NPAS3: variants seen among roughly 807,000 people sequenced by gnomAD.
NPAS3 encodes the protein neuronal PAS domain-containing protein 3.
Under a neutral mutation model 73.1 loss-of-function variants are expected in NPAS3, and 14 were observed. The ratio of observed to expected loss-of-function variants is 0.19; its 90% confidence interval spans 0.13 to 0.30. The LOEUF is 0.30. NPAS3 is among the 10% of genes least tolerant of loss of function. The pLI is 1.00. For synonymous variants in NPAS3, 620 were observed against 541.5 expected, an observed-to-expected ratio of 1.14 and a Z score of -2.01; for missense variants, 1,096 against 1,250.0, an observed-to-expected ratio of 0.88 and a Z score of 1.86.
intron 4 of NPAS3, among the ~76,000 whole-genome samples, chr14:33,440,533 AC>A (rs1274698966): frequency 2.0e-5 from 3 of 152,194 alleles, no homozygotes; most frequent in Non-Finnish European, 2.9e-5. Context: ...TATAATTCCA[AC>A]TTTTTATCAT....
chr14:33,123,857 CTTTCTTTTTT>C (rs1278290486), intron 2 of NPAS3, among the ~76,000 whole-genome samples: 172 of 101,054 alleles, frequency 1.7e-3, no homozygotes, highest in African/African-American at 3.5e-3. Flanking sequence ...TTCTTTCTTT[CTTTCTTTTTT>C]TTTTTTTTTT....
chr14:33,258,154 T>G (rs1165497603), intron 3 of NPAS3, among the ~76,000 whole-genome samples: 2 of 152,194 alleles, frequency 1.3e-5, no homozygotes, highest in Non-Finnish European at 2.9e-5. Flanking sequence ...CCCAGCACTT[T>G]GGCAGGCCGA....
chr14:33,449,941 T>C lies in NPAS3; in HGVS notation c.468+82673T>C, dbSNP rs368982587. On this transcript the variant is annotated intron_variant, in intron 4 of 11. Coordinates refer to ENST00000356141, the Ensembl canonical transcript of NPAS3. The stretch of plus-strand genomic sequence containing the variant: ...ACGTGTTATGATTGGAGCAATAGCA[T>C]TTAAGAGTCCAGAGGCAAGTCAGAA... Among the ~76,000 whole-genome samples the C allele has an allele frequency of 1.1e-4, 16 of 152,300 alleles. 1 individual carries two copies. The highest frequency in any genetic ancestry group is 3.9e-4 in the African/African-American group (16 of 41,556).
At chr14:33,393,517 C>T (rs1045731369) in intron 4 of NPAS3, among the ~76,000 whole-genome samples, 1 of 152,142 alleles carries the variant, frequency 6.6e-6, no homozygotes, top group African/African-American at 2.4e-5. Flanking sequence ...CCACCAGTTA[C>T]ATGTATTTTA....
chr14:33,386,306 C>G (rs10141391), intron 4 of NPAS3, among the ~76,000 whole-genome samples: 7,925 of 152,150 alleles, frequency 0.052, 295 homozygotes, highest in South Asian at 0.19. Flanking sequence ...ACTTTTTTAT[C>G]TCATCAAAAT....
chr14:33,543,974 T>C (rs1311994863), intron 4 of NPAS3, among the ~76,000 whole-genome samples: 3 of 34,368 alleles, frequency 8.7e-5, no homozygotes, highest in Non-Finnish European at 1.4e-4. Flanking sequence ...TATATATATA[T>C]ATATATATAT....
At chr14:33,702,543 A>T (rs2060550191) in intron 6 of NPAS3, among the ~76,000 whole-genome samples, 1 of 152,186 alleles carries the variant, frequency 6.6e-6, no homozygotes, top group African/African-American at 2.4e-5. Flanking sequence ...AAGTGGATTG[A>T]CTCTGAATCC....
intron 1 of NPAS3, among the ~76,000 whole-genome samples, chr14:33,004,579 C>G (rs960001231): frequency 6.6e-6 from 1 of 151,974 alleles, no homozygotes; most frequent in African/African-American, 2.4e-5. Flanking sequence ...GTACATTACT[C>G]CAGACTTTAT....
chr14:32,989,721 A>G (rs2038252535), intron 1 of NPAS3, among the ~76,000 whole-genome samples: 1 of 152,188 alleles, frequency 6.6e-6, no homozygotes, highest in South Asian at 2.1e-4. Context: ...TTTGACCATT[A>G]TTTTCTACTT....
intron 1 of NPAS3, among the ~76,000 whole-genome samples, chr14:32,987,508 T>G (rs2038146928): frequency 6.6e-6 from 1 of 152,176 alleles, no homozygotes; most frequent in South Asian, 2.1e-4. Context: ...TACACAAGTT[T>G]TCTTATTTTT....
At chr14:33,780,962 C>G (rs2062961443) in intron 9 of NPAS3, 1 of 198,484 alleles carries the variant, frequency 5.0e-6, no homozygotes, top group African/African-American at 2.4e-5. Flanking sequence ...TCTTTTAACT[C>G]ATACACATGA....
intron 4 of NPAS3, among the ~76,000 whole-genome samples, chr14:33,438,429 A>G (rs967441): frequency 0.2 from 30,567 of 152,124 alleles, 3,573 homozygotes; most frequent in East Asian, 0.49. Context: ...CACAGGGGGA[A>G]AAAAAGACAT....
At chr14:32,946,203 T>G (rs1269334964) in intron 1 of NPAS3, among the ~76,000 whole-genome samples, 3 of 152,192 alleles carry the variant, frequency 2.0e-5, no homozygotes, top group African/African-American at 7.2e-5. Context: ...TTATATAGCA[T>G]CGTGTGCTAA....
chr14:33,177,352 T>C (rs942768214), intron 2 of NPAS3, among the ~76,000 whole-genome samples: 19 of 152,126 alleles, frequency 1.2e-4, no homozygotes, highest in Admixed American at 3.9e-4. Flanking sequence ...TGCCTCGGCC[T>C]CCCAAAGAGC....
intron 3 of NPAS3, among the ~76,000 whole-genome samples, chr14:33,294,813 G>A (rs1225645559): frequency 6.6e-6 from 1 of 152,204 alleles, no homozygotes; most frequent in East Asian, 1.9e-4. Flanking sequence ...AAACTGGAAA[G>A]TGAGGGAGAG....
intron 4 of NPAS3, among the ~76,000 whole-genome samples, chr14:33,467,987 C>T (rs1038379181): frequency 5.3e-5 from 8 of 152,144 alleles, no homozygotes; most frequent in African/African-American, 1.9e-4. Context: ...GAGCAAAACC[C>T]TTAAACTAGA....
chr14:33,699,603 AC>A (rs1240478252), intron 6 of NPAS3, among the ~76,000 whole-genome samples: 12 of 152,202 alleles, frequency 7.9e-5, no homozygotes, highest in African/African-American at 2.9e-4. Context: ...CACTAATAGA[AC>A]ATTCAATGCT....
intron 2 of NPAS3, among the ~76,000 whole-genome samples, chr14:33,091,160 A>G (rs1159803341): frequency 1.3e-5 from 2 of 152,230 alleles, no homozygotes; most frequent in Non-Finnish European, 2.9e-5. Flanking sequence ...TGAAGGAGAT[A>G]GAGACACAAA....
chr14:33,696,840 G>T (rs892988140), intron 6 of NPAS3, among the ~76,000 whole-genome samples: 1 of 152,178 alleles, frequency 6.6e-6, no homozygotes, highest in African/African-American at 2.4e-5. Context: ...GGGAAGAGAA[G>T]TTGAGGAGTT....
Sources: allele counts gnomAD v4.1 joint callset (sites outside exome capture counted in the v4.1 genomes callset), GRCh38; gene constraint gnomAD v4.1.1; transcripts MANE v1.5; gene names NCBI Gene and HGNC (gene_info 2026-07-23, HGNC 2026-07-21).